Variants in SYNGR1 observed in about 807,000 individuals in gnomAD.
The protein encoded by SYNGR1 is synaptogyrin-1.
Under a neutral mutation model 26.1 loss-of-function variants are expected in SYNGR1, and 14 were observed. The observed-to-expected ratio is 0.54, with a 90% CI of 0.35 to 0.84. SYNGR1 has a LOEUF of 0.84. SYNGR1 is among the 40% of genes least tolerant of loss of function. The pLI, the probability that SYNGR1 is intolerant of heterozygous loss-of-function variation, is 0.01. For synonymous variants in SYNGR1, 141 were observed against 150.1 expected, an observed-to-expected ratio of 0.94 and a Z score of 0.44; for missense variants, 319 against 332.9, an observed-to-expected ratio of 0.96 and a Z score of 0.33.
intron 1 of SYNGR1, 117 bp from the exon 2 acceptor site, chr22:39,374,199 C>T (rs779362897): frequency 5.3e-5 from 48 of 913,742 alleles, no homozygotes; most frequent in South Asian, 1.1e-4. Context: ...CTGCTTAACC[C>T]GGGTCTTGTA....
At chr22:39,376,471 C>T (rs1047939499) in intron 3 of SYNGR1, among the ~76,000 whole-genome samples, 12 of 152,258 alleles carry the variant, frequency 7.9e-5, no homozygotes, top group East Asian at 3.9e-4. Flanking sequence ...CCACCCCCCC[C>T]CCAAACCACT....
At position 39,385,008 on chromosome 22, in the gene SYNGR1, G is replaced by A. The variant is rs139018750; in HGVS notation, c.*3094G>A. ...AGGGGCTAATTCCCAGGGGACTGACGTTAGTTCCCTACTCCATCCTTCCCT... is the reference window on the plus strand; with the variant it reads ...AGGGGCTAATTCCCAGGGGACTGACATTAGTTCCCTACTCCATCCTTCCCT... On this transcript the variant is annotated 3_prime_UTR_variant, in exon 4 of 4. Coordinates refer to ENST00000328933, the MANE Select transcript of SYNGR1 (RefSeq NM_004711.5). The A allele has an allele frequency of 6.5e-3, 2,611 of 398,834 alleles. 26 individuals are homozygous for A. The highest frequency in any genetic ancestry group is 0.035 in the South Asian group (272 of 7,864). The allele number at this position is 398,834 out of a possible 1,614,324, so 24.7% of individuals were successfully genotyped here.
At chr22:39,372,250 G>T (rs995820062) in intron 1 of SYNGR1, among the ~76,000 whole-genome samples, 3 of 148,438 alleles carry the variant, frequency 2.0e-5, no homozygotes, top group Non-Finnish European at 4.4e-5. Context: ...TCCTGCTTCA[G>T]CCTCCAAAGT....
chr22:39,377,513 C>T (rs928471058), intron 3 of SYNGR1: 1 of 1,560,990 alleles, frequency 6.4e-7, no homozygotes, highest in Non-Finnish European at 8.7e-7. Flanking sequence ...CCAACAGGTG[C>T]CTGCCCGGCC....
At chr22:39,364,791 C>T (rs1924654082) in intron 1 of SYNGR1, among the ~76,000 whole-genome samples, 1 of 152,118 alleles carries the variant, frequency 6.6e-6, no homozygotes, top group South Asian at 2.1e-4. Flanking sequence ...CTTGGTGCTT[C>T]TGGGGTCTCT....
intron 2 of SYNGR1, chr22:39,375,194 T>C (rs774396858): frequency 2.5e-5 from 4 of 159,014 alleles, no homozygotes; most frequent in Admixed American, 1.8e-4. Flanking sequence ...AACCCCTAGT[T>C]CTAAGCCTGG....
rs1481500659 is a variant in SYNGR1 at position 39,385,268 on chromosome 22, TGTC to T, written c.*3356_*3358del. ...CCCATGTCCTGGTGCGCACAGCCCT[TGTC>T]GGTGCCCCGGCCCCTCCCGCAGCGT... On this transcript the variant is annotated 3_prime_UTR_variant, in exon 4 of 4. Coordinates refer to ENST00000328933, the MANE Select transcript of SYNGR1 (RefSeq NM_004711.5). 5 of 348,648 alleles carry T rather than the reference TGTC, an allele frequency of 1.4e-5. No homozygotes were observed. The highest frequency in any genetic ancestry group is 2.6e-5 in the Non-Finnish European group (5 of 195,052). The allele number at this position is 348,648 out of a possible 1,614,324, so 21.6% of individuals were successfully genotyped here.
Position 39,374,343 on chromosome 22 carries a change from A to G in SYNGR1, c.127A>G (p.Ile43Val), listed in dbSNP as rs776994948. 2 of 1,613,976 alleles carry G rather than the reference A, an allele frequency of 1.2e-6. No individual in the cohort carries two copies. The highest frequency in any genetic ancestry group is 2.2e-5 in the South Asian group (2 of 91,082). Residue 43 changes from isoleucine (I) to valine (V), a missense_variant, in exon 2 of 4, where the codon ATC (isoleucine) becomes GTC (valine). By Grantham distance (29) the Ile-to-Val change is conservative. Coordinates refer to ENST00000328933, the MANE Select transcript of SYNGR1 (RefSeq NM_004711.5). ...WLFSIVVFGS[I>V]VNEGYLNSAS... ...GTTCTCCATAGTGGTGTTCGGCTCC[A>G]TCGTGAACGAGGGCTACCTCAACAG...
intron 1 of SYNGR1, among the ~76,000 whole-genome samples, chr22:39,359,950 T>C (rs1924388731): frequency 6.6e-6 from 1 of 152,106 alleles, no homozygotes; most frequent in Admixed American, 6.6e-5. Flanking sequence ...CTGGGGCCTC[T>C]GAACCACTGA....
At chr22:39,365,374 C>T (rs1924691323) in intron 1 of SYNGR1, among the ~76,000 whole-genome samples, 1 of 152,218 alleles carries the variant, frequency 6.6e-6, no homozygotes, top group Admixed American at 6.5e-5. Context: ...CAACTCCACT[C>T]CTGCCCAGCT....
At chr22:39,363,790 C>T (rs979840039) in intron 1 of SYNGR1, among the ~76,000 whole-genome samples, 27 of 152,070 alleles carry the variant, frequency 1.8e-4, no homozygotes, top group Admixed American at 6.5e-4. Context: ...CTGCCTGCAC[C>T]GCAGGGCAGG....
At position 39,359,616 on chromosome 22, in the gene SYNGR1, G is replaced by A. The variant is rs112244734; in HGVS notation, c.99+9507G>A. Among the ~76,000 whole-genome samples, 269 of 109,790 alleles carry A rather than the reference G, an allele frequency of 2.5e-3. 2 individuals are homozygous for A. The highest frequency in any genetic ancestry group is 8.8e-3 in the African/African-American group (260 of 29,452). 72.0% of individuals were successfully genotyped at this position (109,790 alleles called of 152,430 possible). Reference sequence around the variant, plus strand: ...ACCGCACTCCAGCCTGGGCAACAAAGTGAGACTCTGTCTCAAAAAAAAAAA... The same window carrying A: ...ACCGCACTCCAGCCTGGGCAACAAAATGAGACTCTGTCTCAAAAAAAAAAA... On this transcript the variant is annotated intron_variant, in intron 1 of 3. Coordinates refer to ENST00000328933, the MANE Select transcript of SYNGR1 (RefSeq NM_004711.5).
intron 1 of SYNGR1, among the ~76,000 whole-genome samples, chr22:39,359,303 G>A (rs868691171): frequency 7.2e-5 from 11 of 151,944 alleles, no homozygotes; most frequent in South Asian, 2.1e-4. Context: ...GAGCCAGCTC[G>A]AGGCCACTTT....
In SYNGR1 at chr22:39,385,216, C is replaced by T. The variant is rs1040133215; in HGVS notation, c.*3302C>T. 1.3e-5 allele frequency: 5 copies of T among 386,360 alleles called. No individual in the cohort carries two copies. The highest frequency in any genetic ancestry group is 2.3e-5 in the Non-Finnish European group (5 of 218,548). 23.9% of individuals were successfully genotyped at this position (386,360 alleles called of 1,614,324 possible). On this transcript the variant is annotated 3_prime_UTR_variant, in exon 4 of 4. Transcript: ENST00000328933. ...GGAGAAGGGACTGGGCCGGCTGCCT[C>T]CCAGCGATGCACTTGACCTGACACT...
At chr22:39,365,820 C>G (rs1924720977) in intron 1 of SYNGR1, among the ~76,000 whole-genome samples, 1 of 151,894 alleles carries the variant, frequency 6.6e-6, no homozygotes, top group Non-Finnish European at 1.5e-5. Flanking sequence ...ACTTCCTCCC[C>G]CATCTGCTCT....
chr22:39,351,752 A>T (rs1410974588), intron 1 of SYNGR1, among the ~76,000 whole-genome samples: 2 of 152,116 alleles, frequency 1.3e-5, no homozygotes, highest in Non-Finnish European at 1.5e-5. Context: ...AGGCAGCGTG[A>T]CTCAGAAGCA....
intron 1 of SYNGR1, chr22:39,364,443 C>T (rs964690529): frequency 2.2e-6 from 3 of 1,370,450 alleles, no homozygotes; most frequent in East Asian, 5.0e-5. Context: ...GATTTAGGTG[C>T]CTTCTTCCAT....
chr22:39,359,440 T>C (rs2145610921), intron 1 of SYNGR1, among the ~76,000 whole-genome samples: 1 of 145,556 alleles, frequency 6.9e-6, no homozygotes, highest in Non-Finnish European at 1.5e-5. Context: ...GCTGAGACAG[T>C]GAAACCCCGT....
At position 39,374,439 on chromosome 22, in the gene SYNGR1, G is replaced by A. The variant is rs373188541; in HGVS notation, c.223G>A (p.Gly75Ser). The change falls in exon 2 of 4, where the codon GGC (glycine) becomes AGC (serine). Residue 75 changes from glycine (G) to serine (S), a missense_variant. Physicochemically the swap from Gly to Ser is moderately conservative, Grantham distance 56. Transcript: ENST00000328933. ...PNACSYGVAV[G>S]VLAFLTCLLY... The stretch of plus-strand genomic sequence containing the variant: ...CGCCTGCAGCTATGGCGTGGCCGTG[G>A]GCGTGCTCGCCTTCCTCACCTGCCT... 11 of 1,613,980 alleles carry A rather than the reference G, an allele frequency of 6.8e-6. 1 individual carries two copies. The highest frequency in any genetic ancestry group is 7.6e-6 in the Non-Finnish European group (9 of 1,180,036).
Sources: gnomAD v4.1 joint callset for allele counts (sites outside exome capture counted in the v4.1 genomes callset) on GRCh38, gnomAD v4.1.1 for gene constraint, MANE v1.5 for transcripts, NCBI Gene and HGNC (gene_info 2026-07-23, HGNC 2026-07-21) for gene names.